CPEB2: variants seen among roughly 807,000 people sequenced by gnomAD.
CPEB2 encodes the protein cytoplasmic polyadenylation element-binding protein 2.
CPEB2 carries 56 observed loss-of-function variants against 93.6 expected under a neutral mutation model. That is an observed-to-expected ratio of 0.60 (90% confidence interval 0.48 to 0.75). The LOEUF (loss-of-function observed/expected upper bound fraction) is 0.75, where lower values mean the gene tolerates loss of function less well. Among genes scored for constraint, CPEB2 ranks in the 30% least tolerant of loss-of-function variants. The pLI is 0.00. For missense variants in CPEB2, 1,579 were observed against 1,395.1 expected, an observed-to-expected ratio of 1.13 and a Z score of -2.10; for synonymous variants, 764 against 586.3, an observed-to-expected ratio of 1.30 and a Z score of -4.38.
intron 6 of CPEB2, among the ~76,000 whole-genome samples, chr4:15,043,991 A>T (rs1347151985): frequency 2.6e-5 from 4 of 152,192 alleles, no homozygotes; most frequent in Non-Finnish European, 4.4e-5. Context: ...TCAATTTGGA[A>T]CAATTGTGAA....
Position 15,004,016 on chromosome 4 carries a change from G to T in CPEB2, c.1343G>T (p.Gly448Val). 2 of 1,557,050 alleles carry T rather than the reference G, an allele frequency of 1.3e-6. No homozygotes were observed. The highest frequency in any genetic ancestry group is 8.7e-7 in the Non-Finnish European group (1 of 1,154,594). Residue 448 changes from glycine to valine, a missense_variant, in exon 1 of 12, where the codon GGC (glycine) becomes GTC (valine). Physicochemically the swap from Gly to Val is moderately radical, Grantham distance 109. Transcript: ENST00000538197. ...CCGCCCAGCCCCGACTCAGAGAACG[G>T]CTTCTACCCCGGGCTGCCGTCGTCC... ...MPPPSPDSENGFYPGLPSSMN... is the reference protein window; with the variant it reads ...MPPPSPDSENVFYPGLPSSMN...
intron 4 of CPEB2, among the ~76,000 whole-genome samples, chr4:15,030,216 C>T (rs1725949144): frequency 6.6e-6 from 1 of 151,522 alleles, no homozygotes; most frequent in Non-Finnish European, 1.5e-5. Context: ...ATAGAATATT[C>T]TGTGAATTTT....
At chr4:15,036,335 G>C (rs1267749593) in intron 5 of CPEB2, among the ~76,000 whole-genome samples, 1 of 152,150 alleles carries the variant, frequency 6.6e-6, no homozygotes, top group Non-Finnish European at 1.5e-5. Context: ...GCTGGAGACT[G>C]TCACTATTGA....
At chr4:15,004,381 TGGGCG>T (rs1323318478) in intron 1 of CPEB2, 46 bp downstream of exon 1, 1 of 1,317,108 alleles carries the variant, frequency 7.6e-7, no homozygotes, top group Admixed American at 3.7e-5. Flanking sequence ...CGGGAGACCA[TGGGCG>T]GGGGACGGAG....
intron 4 of CPEB2, among the ~76,000 whole-genome samples, chr4:15,031,519 A>T (rs1270337269): frequency 6.6e-6 from 1 of 152,214 alleles, no homozygotes; most frequent in Non-Finnish European, 1.5e-5. Flanking sequence ...AAGGTATCAC[A>T]ACAAGAAATT....
Position 15,047,240 on chromosome 4 carries a change from C to T in CPEB2, c.2201-5174C>T, listed in dbSNP as rs532201545. On this transcript the variant is annotated intron_variant, in intron 6 of 11. Transcript: ENST00000538197. ...TGGCTTTTTGTTTGTTTGTTTTGTA[C>T]GCTCTCCTTGATTGTTCGTAGGCCT... Among the ~76,000 whole-genome samples, 9 of 152,136 alleles carry T rather than the reference C, an allele frequency of 5.9e-5. No individual in the cohort carries two copies. The South Asian group carries it at 1.5e-3, about 25-fold the overall frequency.
At position 15,003,722 on chromosome 4, in the gene CPEB2, C is replaced by G; in HGVS notation, c.1049C>G (p.Pro350Arg). 8.0e-7 allele frequency: 1 copy of G among 1,253,380 alleles called. No homozygotes were observed. Among genetic ancestry groups the G allele is most frequent in the Non-Finnish European group, 1.0e-6 (1 of 999,410 alleles). 77.6% of individuals were successfully genotyped at this position (1,253,380 alleles called of 1,614,324 possible). A position where few individuals can be genotyped will look rare whatever the true frequency, so the allele number is the denominator to read the frequency against. ...CTGCAGAGCCCGGACCTTCCACACCCGGGCGGCGGCGGCGGCGGCGGGGGC... is the reference window on the plus strand; with the variant it reads ...CTGCAGAGCCCGGACCTTCCACACCGGGGCGGCGGCGGCGGCGGCGGGGGC... Reference protein sequence around the residue: ...SSLQSPDLPHPGGGGGGGGGG... With the variant: ...SSLQSPDLPHRGGGGGGGGGG... The change falls in exon 1 of 12, where the codon CCG becomes CGG. Residue 350 changes from proline to arginine, a missense_variant. This residue lies in a region of CPEB2 where 1,411 missense variants were observed against 1,056.0 expected (regional missense o/e 1.34). Transcript: ENST00000538197.
chr4:15,021,148 G>A (rs933985888), intron 4 of CPEB2, among the ~76,000 whole-genome samples: 2 of 152,116 alleles, frequency 1.3e-5, no homozygotes, highest in African/African-American at 4.8e-5. Context: ...CTTTTGCTAT[G>A]GATCGTGAAC....
At chr4:15,050,337 C>T (rs925689805) in intron 6 of CPEB2, among the ~76,000 whole-genome samples, 2 of 152,134 alleles carry the variant, frequency 1.3e-5, no homozygotes, top group Admixed American at 6.5e-5. Flanking sequence ...CCAAAATCAT[C>T]CCCCTGCTGT....
chr4:15,003,801 G>A lies in CPEB2; in HGVS notation c.1128G>A (p.Leu376=), dbSNP rs1722366814. Residue 376 remains leucine (L), a synonymous_variant, in exon 1 of 12, where the codon CTG becomes CTA. Coordinates refer to ENST00000538197, the MANE Select transcript of CPEB2 (RefSeq NM_001177382.2). Reference sequence around the variant, plus strand: ...GCGGCTCCGCGTCGCCGCCGCCGCTGCCCGGCTTCGGCACCCCCTGGTCGG... The same window carrying A: ...GCGGCTCCGCGTCGCCGCCGCCGCTACCCGGCTTCGGCACCCCCTGGTCGG... The part of the protein sequence containing the change: ...GGGGSASPPP[L]PGFGTPWSVQ... 12 of 1,014,254 alleles carry A rather than the reference G, an allele frequency of 1.2e-5. No individual in the cohort carries two copies. The Admixed American group carries it at 2.6e-4, about 22-fold the overall frequency. 62.8% of individuals were successfully genotyped at this position (1,014,254 alleles called of 1,614,324 possible). A position where few individuals can be genotyped will look rare whatever the true frequency, so the allele number is the denominator to read the frequency against.
intron 11 of CPEB2, chr4:15,063,636 G>A (rs181562454): frequency 5.7e-4 from 86 of 152,170 alleles, no homozygotes; most frequent in African/African-American, 2.0e-3. Flanking sequence ...CACAGACGAC[G>A]TTATTTACAT....
At chr4:15,060,545 A>G (rs1729093185) in intron 10 of CPEB2, among the ~76,000 whole-genome samples, 1 of 152,116 alleles carries the variant, frequency 6.6e-6, no homozygotes, top group Non-Finnish European at 1.5e-5. Context: ...ACTGAATCTC[A>G]TCTTTCAGTC....
intron 5 of CPEB2, among the ~76,000 whole-genome samples, chr4:15,037,744 A>G (rs1046415204): frequency 2.0e-5 from 3 of 152,226 alleles, no homozygotes; most frequent in Non-Finnish European, 4.4e-5. Context: ...GGTATGTTAA[A>G]TAGCTCCTCA....
chr4:15,005,015 C>A (rs573411433), intron 1 of CPEB2: 1 of 152,252 alleles, frequency 6.6e-6, no homozygotes, highest in Admixed American at 6.5e-5. Context: ...TCAGTCGAGC[C>A]GCTCCCAAAG....
At chr4:15,052,315 T>A in intron 6 of CPEB2, 99 bp from the exon 7 acceptor site, 1 of 815,454 alleles carries the variant, frequency 1.2e-6, no homozygotes, top group Non-Finnish European at 1.8e-6. Flanking sequence ...CTGCATCACC[T>A]TCATTTTTAA....
At chr4:15,036,051 T>G (rs1560237013) in intron 5 of CPEB2, among the ~76,000 whole-genome samples, 1 of 152,140 alleles carries the variant, frequency 6.6e-6, no homozygotes, top group African/African-American at 2.4e-5. Context: ...CAATATTCCT[T>G]TAAGTAAGAA....
At chr4:15,059,666 A>AT (rs553854958) in intron 10 of CPEB2, among the ~76,000 whole-genome samples, 73 of 151,850 alleles carry the variant, frequency 4.8e-4, no homozygotes, top group Admixed American at 1.4e-3. Flanking sequence ...GAAATATGGG[A>AT]TTTTTTTCTC....
In CPEB2 at chr4:15,067,820, G is replaced by A. The variant is rs1729807401; in HGVS notation, c.*1440G>A. The A allele has an allele frequency of 6.6e-6, 1 of 152,356 alleles. No homozygotes were observed. Among genetic ancestry groups the A allele is most frequent in the Non-Finnish European group, 1.5e-5 (1 of 67,904 alleles). The allele number at this position is 152,356 out of a possible 1,614,324, so 9.4% of individuals were successfully genotyped here. A position where few individuals can be genotyped will look rare whatever the true frequency, so the allele number is the denominator to read the frequency against. On this transcript the variant is annotated 3_prime_UTR_variant, in exon 12 of 12. Transcript: ENST00000538197. Reference sequence around the variant, plus strand: ...TCTAAACTGGGGTCACTGTTGCATGGAACATTGTTCTTAATAGTTGAGAAT... The same window carrying A: ...TCTAAACTGGGGTCACTGTTGCATGAAACATTGTTCTTAATAGTTGAGAAT...
chr4:15,007,504 C>T lies in CPEB2; in HGVS notation c.1862C>T (p.Thr621Ile). Residue 621 changes from threonine (T) to isoleucine (I), a missense_variant, in exon 2 of 12, where the codon ACT becomes ATT. This residue lies in a region of CPEB2 where 1,411 missense variants were observed against 1,056.0 expected (regional missense o/e 1.34). Transcript: ENST00000538197. Reference protein sequence around the residue: ...VIAPPKFTRSTPSLTPKSWIE... With the variant: ...VIAPPKFTRSIPSLTPKSWIE... ...GCACCACCGAAATTTACTCGCTCAA[C>T]TCCATCACTGACTCCAAAATCTTGG... is the stretch of plus-strand genomic sequence containing the variant. 6.2e-7 allele frequency: 1 copy of T among 1,614,090 alleles called. No individual in the cohort carries two copies. The highest frequency in any genetic ancestry group is 8.5e-7 in the Non-Finnish European group (1 of 1,179,934).
Sources: allele counts gnomAD v4.1 joint callset (sites outside exome capture counted in the v4.1 genomes callset), GRCh38; gene constraint gnomAD v4.1.1; regional missense constraint gnomAD v4.1.1; transcripts MANE v1.5; gene names NCBI Gene and HGNC (gene_info 2026-07-23, HGNC 2026-07-21).